Variants in PRDM16 observed in about 807,000 individuals in gnomAD.
PRDM16 encodes the protein histone-lysine N-methyltransferase PRDM16.
A neutral mutation model predicts 110.6 loss-of-function variants in PRDM16; 23 were observed. The observed-to-expected ratio is 0.21, with a 90% CI of 0.15 to 0.29. The LOEUF (loss-of-function observed/expected upper bound fraction) is 0.29. Ranked by LOEUF, PRDM16 falls within the 10% of genes least tolerant of loss-of-function variation. The pLI is 1.00. For synonymous variants in PRDM16, 799 were observed against 781.8 expected, an observed-to-expected ratio of 1.02 and a Z score of -0.37; for missense variants, 1,615 against 1,794.3, an observed-to-expected ratio of 0.90 and a Z score of 1.81.
intron 3 of PRDM16, among the ~76,000 whole-genome samples, chr1:3,338,974 C>T (rs530162270): frequency 7.2e-5 from 11 of 152,300 alleles, no homozygotes; most frequent in African/African-American, 2.4e-4. Context: ...GGAAGAAGCC[C>T]GTTGTGACAG....
intron 1 of PRDM16, among the ~76,000 whole-genome samples, chr1:3,108,767 G>A (rs999576960): frequency 2.0e-5 from 3 of 152,140 alleles, no homozygotes; most frequent in Non-Finnish European, 2.9e-5. Flanking sequence ...TGCCAGGAGG[G>A]GTCCATTTGA....
In PRDM16 at chr1:3,416,068, C is replaced by T. The variant is rs1638248298; in HGVS notation, c.2691+1421C>T. Among the ~76,000 whole-genome samples the T allele has an allele frequency of 2.6e-5, 4 of 152,356 alleles. No homozygotes were observed. In the South Asian group the frequency reaches 8.3e-4, roughly 32 times the overall value. On this transcript the variant is annotated intron_variant, in intron 10 of 16. Coordinates refer to ENST00000270722, the MANE Select transcript of PRDM16 (RefSeq NM_022114.4). ...CGCAGGGGCGGGAGAAGCCTGACCC[C>T]CACAGCCTGGGTGGGGCTGGAAGGG...
chr1:3,225,573 T>TGTGTGTGCGCGCGCGCGC (rs1336272072), intron 2 of PRDM16, among the ~76,000 whole-genome samples: 37 of 129,906 alleles, frequency 2.8e-4, no homozygotes, highest in African/African-American at 9.6e-4. Flanking sequence ...TGTGTGTGTG[T>TGTGTGTGCGCGCGCGCGC]GCGCGCGCGC....
At chr1:3,207,739 C>G (rs1638786760) in intron 2 of PRDM16, 1 of 152,250 alleles carries the variant, frequency 6.6e-6, no homozygotes, top group African/African-American at 2.4e-5. Context: ...TCTTCCATCC[C>G]CCTCTCTAGA....
In PRDM16 at chr1:3,181,471, CACGCAGTCTTACACACAGCCTTACGCAT is replaced by C. The variant is rs1557509240; in HGVS notation, c.38-4653_38-4626del. Among the ~76,000 whole-genome samples the C allele has an allele frequency of 2.8e-4, 21 of 75,640 alleles. 1 individual carries two copies. The highest frequency in any genetic ancestry group is 7.0e-4 in the Admixed American group (5 of 7,140). 49.6% of individuals were successfully genotyped at this position (75,640 alleles called of 152,430 possible). ...ACACGGTCTTACACACGGTCTTACA[CACGCAGTCTTACACACAGCCTTACGCAT>C]GGTCTTACACACGCAGTCTTACACA... is the stretch of plus-strand genomic sequence containing the variant. On this transcript the variant is annotated intron_variant, in intron 1 of 16. Coordinates refer to ENST00000270722, the MANE Select transcript of PRDM16 (RefSeq NM_022114.4).
At chr1:3,218,871 T>C (rs1227559001) in intron 2 of PRDM16, among the ~76,000 whole-genome samples, 11 of 152,200 alleles carry the variant, frequency 7.2e-5, no homozygotes, top group African/African-American at 2.7e-4. Context: ...AGCTGGCATT[T>C]TTGGAGACGT....
intron 3 of PRDM16, among the ~76,000 whole-genome samples, chr1:3,314,190 G>A (rs2100426246): frequency 6.6e-6 from 1 of 151,992 alleles, no homozygotes; most frequent in Non-Finnish European, 1.5e-5. Context: ...CCGTGACAAG[G>A]TTCTCCCACG....
At position 3,148,616 on chromosome 1, in the gene PRDM16, G is replaced by A. The variant is rs142784229; in HGVS notation, c.38-37509G>A. ...CTGGGACCTCCTTGACGCTCACGGGGCTCAGATCCCATCTCAGGTGGGCGG... is the reference window on the plus strand; with the variant it reads ...CTGGGACCTCCTTGACGCTCACGGGACTCAGATCCCATCTCAGGTGGGCGG... On this transcript the variant is annotated intron_variant, in intron 1 of 16. Coordinates refer to ENST00000270722, the MANE Select transcript of PRDM16 (RefSeq NM_022114.4). This position sits in a 1 kb window ranked among gnomAD's most constrained non-coding sequence, Gnocchi z 5.0. 1.5e-4 allele frequency among the ~76,000 whole-genome samples: 23 copies of A among 152,314 alleles called. No homozygotes were observed. The highest frequency in any genetic ancestry group is 5.5e-4 in the African/African-American group (23 of 41,568).
At chr1:3,184,595 T>C (rs1301059019) in intron 1 of PRDM16, among the ~76,000 whole-genome samples, 1 of 152,178 alleles carries the variant, frequency 6.6e-6, no homozygotes, top group East Asian at 1.9e-4. Context: ...GAGGCAGAAT[T>C]CAACCTCTGT....
At chr1:3,349,432 G>A (rs1379557056) in intron 3 of PRDM16, among the ~76,000 whole-genome samples, 1 of 152,196 alleles carries the variant, frequency 6.6e-6, no homozygotes, top group Non-Finnish European at 1.5e-5. Context: ...AGTGGCCATG[G>A]CGGGAAGCAG....
chr1:3,316,222 C>A (rs1163364757), intron 3 of PRDM16, among the ~76,000 whole-genome samples: 1 of 150,344 alleles, frequency 6.7e-6, no homozygotes, highest in Non-Finnish European at 1.5e-5. Flanking sequence ...GGAAAGTCTT[C>A]CCCATCCTTC....
At chr1:3,324,161 TCTCCGTCTCTCC>T (rs1031257187) in intron 3 of PRDM16, among the ~76,000 whole-genome samples, 37 of 151,796 alleles carry the variant, frequency 2.4e-4, no homozygotes, top group African/African-American at 8.2e-4. Context: ...CCTCCAGGGG[TCTCCGTCTCTCC>T]CTCCGTCTCT....
intron 2 of PRDM16, among the ~76,000 whole-genome samples, chr1:3,241,418 G>A (rs950053478): frequency 2.6e-5 from 4 of 152,238 alleles, no homozygotes; most frequent in African/African-American, 9.6e-5. Context: ...GATCCAGAGA[G>A]ACAGCCGGGA....
At chr1:3,372,623 A>G (rs1642925856) in intron 3 of PRDM16, among the ~76,000 whole-genome samples, 1 of 152,250 alleles carries the variant, frequency 6.6e-6, no homozygotes, top group South Asian at 2.1e-4. Flanking sequence ...CCAAAACAAA[A>G]GTATCTCACT....
At chr1:3,214,245 G>T (rs544794865) in intron 2 of PRDM16, among the ~76,000 whole-genome samples, 1 of 152,202 alleles carries the variant, frequency 6.6e-6, no homozygotes, top group Non-Finnish European at 1.5e-5. Context: ...GATCTGAGGA[G>T]GGTCTGACAC....
chr1:3,297,523 A>G (rs1186319090), intron 3 of PRDM16, among the ~76,000 whole-genome samples: 1 of 152,060 alleles, frequency 6.6e-6, no homozygotes, highest in Non-Finnish European at 1.5e-5. Flanking sequence ...ACCTCAGGTG[A>G]TCCACCCACC....
intron 8 of PRDM16, among the ~76,000 whole-genome samples, chr1:3,409,841 G>GGTGTATGTGCGTGTGTGT (rs1557659588): frequency 7.1e-6 from 1 of 141,456 alleles, no homozygotes; most frequent in African/African-American, 2.7e-5. Context: ...GTGGGTGTGT[G>GGTGTATGTGCGTGTGTGT]GTGTGGGTGT....
In PRDM16 at chr1:3,412,732, G is replaced by A. The variant is rs1004240763; in HGVS notation, c.2535G>A (p.Ala845=). 2.4e-5 allele frequency: 36 copies of A among 1,507,368 alleles called. No homozygotes were observed. The highest frequency in any genetic ancestry group is 6.5e-5 in the South Asian group (5 of 77,186). The allele number at this position is 1,507,368 out of a possible 1,614,324, so 93.4% of individuals were successfully genotyped here. The change falls in exon 9 of 17, where the codon GCG becomes GCA. Residue 845 remains alanine, a synonymous_variant. Transcript: ENST00000270722. Reference sequence around the variant, plus strand: ...AGGGGCTGCCCCAGGTGTGCCCGGCGCGGATGCCCCAGCAGCCCCCGCTCC... The same window carrying A: ...AGGGGCTGCCCCAGGTGTGCCCGGCACGGATGCCCCAGCAGCCCCCGCTCC... ...AGEGLPQVCP[A]RMPQQPPLHY...
intron 1 of PRDM16, among the ~76,000 whole-genome samples, chr1:3,173,032 C>A (rs1273884848): frequency 6.6e-6 from 1 of 152,210 alleles, no homozygotes; most frequent in Non-Finnish European, 1.5e-5. Flanking sequence ...GGAGCCAACA[C>A]CGCCTGGTAT....
Sources: allele counts gnomAD v4.1 joint callset (sites outside exome capture counted in the v4.1 genomes callset), GRCh38; gene constraint gnomAD v4.1.1; non-coding constraint Gnocchi (gnomAD v3.1); transcripts MANE v1.5; gene names NCBI Gene and HGNC (gene_info 2026-07-23, HGNC 2026-07-21).